The following PAK5 variants were observed in gnomAD, a reference collection of about 807,000 sequenced individuals.
PAK5 encodes the protein p21 (RAC1) activated kinase 5.
In PAK5, 16 loss-of-function variants were observed where a neutral mutation model predicts 65.9. The observed-to-expected ratio is 0.24, with a 90% CI of 0.16 to 0.37. The LOEUF (loss-of-function observed/expected upper bound fraction) is 0.37. Among genes scored for constraint, PAK5 ranks in the 10% least tolerant of loss-of-function variants. The pLI is 1.00. For missense variants in PAK5, 785 were observed against 903.9 expected (o/e 0.87, Z 1.69); for synonymous variants, 371 against 354.9 (o/e 1.05, Z -0.51).
At chr20:9,647,311 T>C (rs2047147437) in intron 2 of PAK5, among the ~76,000 whole-genome samples, 1 of 152,240 alleles carries the variant, frequency 6.6e-6, no homozygotes, top group South Asian at 2.1e-4. Flanking sequence ...GAGCATAAAA[T>C]ACATTTGAAA....
chr20:9,542,436 A>C, intron 9 of PAK5, 150 bp downstream of exon 9: 2 of 781,486 alleles, frequency 2.6e-6, no homozygotes, highest in Non-Finnish European at 4.4e-6. Flanking sequence ...ATAGAAGAAC[A>C]GAGATTCAAA....
rs561581348 is a variant in PAK5, at chr20:9,675,153, A to G, written c.-11-30814T>C. 9.2e-4 allele frequency among the ~76,000 whole-genome samples: 140 copies of G among 152,316 alleles called. 3 individuals carry two copies. The South Asian group carries it at 0.026, about 28-fold the overall frequency. The stretch of plus-strand genomic sequence containing the variant: ...GACTGAGAATTGCAAGGCTATGGAG[A>G]TCCTAGAAGCTTTCTGAGTAGACAG... On this transcript the variant is annotated intron_variant, in intron 2 of 9. Coordinates refer to ENST00000353224, the MANE Select transcript of PAK5 (RefSeq NM_177990.4).
At chr20:9,827,779 G>A (rs1034088992) in intron 1 of PAK5, among the ~76,000 whole-genome samples, 4 of 151,924 alleles carry the variant, frequency 2.6e-5, no homozygotes, top group African/African-American at 9.7e-5. Flanking sequence ...GAGTGGCAGT[G>A]GAGACAGGGA....
At chr20:9,816,736 T>C (rs187526444) in intron 1 of PAK5, among the ~76,000 whole-genome samples, 16 of 152,254 alleles carry the variant, frequency 1.1e-4, no homozygotes, top group African/African-American at 3.6e-4. Context: ...TCATGGGACT[T>C]CTCTGCTTCC....
chr20:9,618,142 A>G (rs2046694772), intron 3 of PAK5, among the ~76,000 whole-genome samples: 1 of 152,210 alleles, frequency 6.6e-6, no homozygotes, highest in African/African-American at 2.4e-5. Context: ...AGATGACAGC[A>G]TACTCCAAGG....
At chr20:9,808,003 T>C (rs1402130698) in intron 1 of PAK5, among the ~76,000 whole-genome samples, 1 of 152,064 alleles carries the variant, frequency 6.6e-6, no homozygotes, top group Non-Finnish European at 1.5e-5. Context: ...GAATTTGTAT[T>C]AACAGAGATG....
intron 3 of PAK5, among the ~76,000 whole-genome samples, chr20:9,586,819 A>G (rs1441932526): frequency 6.6e-6 from 1 of 152,196 alleles, no homozygotes; most frequent in African/African-American, 2.4e-5. Context: ...GAAAAATATT[A>G]ATACTGCTAT....
intron 1 of PAK5, among the ~76,000 whole-genome samples, chr20:9,783,751 A>G (rs2048965741): frequency 6.6e-6 from 1 of 152,186 alleles, no homozygotes. Flanking sequence ...ACAATGTTGT[A>G]ACTCTCAGTA....
Position 9,665,689 on chromosome 20 carries a change from G to A in PAK5, c.-11-21350C>T, listed in dbSNP as rs555925999. On this transcript the variant is annotated intron_variant, in intron 2 of 9. Transcript: ENST00000353224. Reference sequence around the variant, plus strand: ...TTTTTTTTTTTTGAGATGGGGTCTCGTTATGTTGTCCAAAAGCTGACCTTG... The same window carrying A: ...TTTTTTTTTTTTGAGATGGGGTCTCATTATGTTGTCCAAAAGCTGACCTTG... Among the ~76,000 whole-genome samples the A allele has an allele frequency of 1.6e-4, 24 of 149,728 alleles. No individual in the cohort carries two copies. The East Asian group carries it at 3.0e-3, about 18-fold the overall frequency.
At position 9,837,576 on chromosome 20, in the gene PAK5, G is replaced by A. The variant is rs141122632; in HGVS notation, c.-162+1186C>T. On this transcript the variant is annotated intron_variant, in intron 1 of 9. Coordinates refer to ENST00000353224, the MANE Select transcript of PAK5 (RefSeq NM_177990.4). ...AAGGTGGCACAGCTGTTATTATAAG[G>A]TGTCAATTTCATAGAATTCTAGTGT... is the stretch of plus-strand genomic sequence containing the variant. Among the ~76,000 whole-genome samples, 283 of 152,294 alleles carry A rather than the reference G, an allele frequency of 1.9e-3. 1 individual carries two copies. The highest frequency in any genetic ancestry group is 0.01 in the Middle Eastern group (3 of 294).
At chr20:9,606,637 A>C (rs1444800138) in intron 3 of PAK5, among the ~76,000 whole-genome samples, 1 of 152,192 alleles carries the variant, frequency 6.6e-6, no homozygotes, top group South Asian at 2.1e-4. Flanking sequence ...AAGTTCAAAA[A>C]CCAGCAAAAT....
chr20:9,683,691 C>T (rs1403425154), intron 2 of PAK5, among the ~76,000 whole-genome samples: 2 of 152,102 alleles, frequency 1.3e-5, no homozygotes, highest in Non-Finnish European at 2.9e-5. Flanking sequence ...GTATTTCTTT[C>T]CTTTTCCATT....
chr20:9,749,561 T>C (rs1482855929), intron 1 of PAK5, among the ~76,000 whole-genome samples: 2 of 152,170 alleles, frequency 1.3e-5, no homozygotes, highest in Non-Finnish European at 2.9e-5. Flanking sequence ...AGTACTAATT[T>C]AAATGCTTGT....
chr20:9,604,464 A>C (rs1322053580), intron 3 of PAK5, among the ~76,000 whole-genome samples: 1 of 152,140 alleles, frequency 6.6e-6, no homozygotes, highest in African/African-American at 2.4e-5. Context: ...TGAGGTTAAC[A>C]GGAGTTTGAC....
At chr20:9,627,601 T>C (rs1443792645) in intron 3 of PAK5, among the ~76,000 whole-genome samples, 2 of 152,176 alleles carry the variant, frequency 1.3e-5, no homozygotes, top group Non-Finnish European at 2.9e-5. Context: ...TGCGGTATTT[T>C]TCCATTCAAT....
At position 9,554,687 on chromosome 20, in the gene PAK5, T is replaced by G. The variant is rs2045480731; in HGVS notation, c.1743+2921A>C. ...ATAATAACACACTCTAAGCCTTTTC[T>G]TGGAGTAGCCACACTCCATTTCTGC... On this transcript the variant is annotated intron_variant, in intron 7 of 9. Transcript: ENST00000353224. Among the ~76,000 whole-genome samples the G allele has an allele frequency of 2.0e-5, 3 of 152,352 alleles. 1 individual carries two copies. In the South Asian group the frequency reaches 6.2e-4, roughly 32 times the overall value.
At chr20:9,579,829 A>G (rs1045881601) in intron 4 of PAK5, among the ~76,000 whole-genome samples, 1 of 152,250 alleles carries the variant, frequency 6.6e-6, no homozygotes, top group Non-Finnish European at 1.5e-5. Flanking sequence ...CAGGGAACTT[A>G]GTCAAATACA....
intron 3 of PAK5, among the ~76,000 whole-genome samples, chr20:9,608,428 G>A (rs2046495634): frequency 6.6e-6 from 1 of 152,200 alleles, no homozygotes; most frequent in South Asian, 2.1e-4. Context: ...GCGCTTGGAG[G>A]ACAGCCAGTC....
At chr20:9,704,696 T>C (rs1031312235) in intron 2 of PAK5, among the ~76,000 whole-genome samples, 17 of 151,998 alleles carry the variant, frequency 1.1e-4, no homozygotes, top group African/African-American at 3.6e-4. Flanking sequence ...GAATATGAAA[T>C]CCAAAGGTGT....
Sources: allele counts gnomAD v4.1 joint callset (sites outside exome capture counted in the v4.1 genomes callset), GRCh38; gene constraint gnomAD v4.1.1; transcripts MANE v1.5; gene names NCBI Gene and HGNC (gene_info 2026-07-23, HGNC 2026-07-21).